Variants in IL16 observed in about 807,000 individuals in gnomAD.
The protein encoded by IL16 is interleukin 16.
Under a neutral mutation model 110.1 loss-of-function variants are expected in IL16, and 67 were observed. The observed-to-expected ratio is 0.61, with a 90% confidence interval of 0.50 to 0.75. The LOEUF is 0.75. Ranked by LOEUF, IL16 falls within the 30% of genes least tolerant of loss-of-function variation. IL16 has a pLI of 0.00. For synonymous variants in IL16, 689 were observed against 662.9 expected (o/e 1.04, Z -0.61); for missense variants, 1,545 against 1,655.0 (o/e 0.93, Z 1.15).
At chr15:81,251,157 T>G (rs995673409) in intron 2 of IL16, among the ~76,000 whole-genome samples, 1 of 152,104 alleles carries the variant, frequency 6.6e-6, no homozygotes, top group Admixed American at 6.6e-5. Context: ...ATGCAACCTT[T>G]CTACTTGTTT....
rs1899653283 is a variant in IL16, at chr15:81,290,365, G to A, written c.1333-88G>A. ...TTGAAATAAAATAATTTAGAATCCA[G>A]TGGCCCAGCTTTGGAGCTGGTACGG... On this transcript the variant is annotated intron_variant, in intron 10 of 18. Transcript: ENST00000683961. The A allele has an allele frequency of 3.8e-6, 3 of 792,132 alleles. No individual in the cohort carries two copies. In the Admixed American group the frequency reaches 8.5e-5, roughly 23 times the overall value. The allele number at this position is 792,132 out of a possible 1,614,324, so 49.1% of individuals were successfully genotyped here.
intron 1 of IL16, among the ~76,000 whole-genome samples, chr15:81,209,732 G>A (rs115781366): frequency 0.084 from 12,820 of 152,054 alleles, 533 homozygotes; most frequent in Middle Eastern, 0.1. Flanking sequence ...CCCTTCTCAC[G>A]GGGACACTCT....
At chr15:81,222,781 C>A (rs1735406877) in intron 1 of IL16, among the ~76,000 whole-genome samples, 1 of 151,810 alleles carries the variant, frequency 6.6e-6, no homozygotes, top group Non-Finnish European at 1.5e-5. Flanking sequence ...CATACCCACA[C>A]ACATCTTTCC....
At chr15:81,212,794 G>A (rs1217907780) in intron 1 of IL16, among the ~76,000 whole-genome samples, 1 of 152,062 alleles carries the variant, frequency 6.6e-6, no homozygotes, top group Non-Finnish European at 1.5e-5. Context: ...AATATAGCTA[G>A]CTGTCTATCA....
At position 81,292,863 on chromosome 15, in the gene IL16, CCCG is replaced by C; in HGVS notation, c.1733_1735del (p.Pro578del). 6.2e-7 allele frequency: 1 copy of C among 1,614,104 alleles called. No homozygotes were observed. The highest frequency in any genetic ancestry group is 8.5e-7 in the Non-Finnish European group (1 of 1,179,966). ...CCCTCCCAGAGAGCCGGGACAGCCA[CCCG>C]CCGCTGAGACTGAAGAAATCCTTTG... On this transcript the variant is annotated inframe_deletion, in exon 12 of 19. Transcript: ENST00000683961.
intron 4 of IL16, 124 bp from the exon 5 acceptor site, chr15:81,269,414 T>A (rs1898532847): frequency 1.4e-6 from 1 of 699,716 alleles, no homozygotes; most frequent in African/African-American, 1.8e-5. Flanking sequence ...GTTGTTACGC[T>A]GCCTGCCCTT....
At chr15:81,268,600 G>A (rs760299371) in intron 4 of IL16, among the ~76,000 whole-genome samples, 13 of 152,272 alleles carry the variant, frequency 8.5e-5, no homozygotes, top group Non-Finnish European at 1.6e-4. Flanking sequence ...ATATCAGAGA[G>A]CAGGGAGCAA....
intron 1 of IL16, among the ~76,000 whole-genome samples, chr15:81,205,948 A>C (rs1896001442): frequency 1.3e-5 from 2 of 152,222 alleles, no homozygotes; most frequent in Non-Finnish European, 2.9e-5. Context: ...TAAAAAGAGC[A>C]CTCAATGAAG....
At chr15:81,276,904 A>C (rs1898935694) in intron 6 of IL16, among the ~76,000 whole-genome samples, 1 of 152,240 alleles carries the variant, frequency 6.6e-6, no homozygotes, top group Non-Finnish European at 1.5e-5. Flanking sequence ...GAAATAACAA[A>C]GAGGAGCGTT....
intron 1 of IL16, among the ~76,000 whole-genome samples, chr15:81,207,517 T>TC (rs1404079655): frequency 1.4e-5 from 2 of 141,940 alleles, no homozygotes; most frequent in African/African-American, 5.2e-5. Flanking sequence ...ACGCCCCACC[T>TC]CCCACCCACC....
chr15:81,255,437 G>C (rs1897911042), intron 2 of IL16, among the ~76,000 whole-genome samples: 2 of 152,250 alleles, frequency 1.3e-5, no homozygotes, highest in African/African-American at 4.8e-5. Context: ...GAGACTGGCT[G>C]CATGGCAGTG....
chr15:81,222,663 G>A (rs967620218), intron 1 of IL16, among the ~76,000 whole-genome samples: 1 of 151,786 alleles, frequency 6.6e-6, no homozygotes, highest in Non-Finnish European at 1.5e-5. Flanking sequence ...AGTCCAGAAG[G>A]ATTTTAACAC....
intron 1 of IL16, among the ~76,000 whole-genome samples, chr15:81,198,223 C>A (rs1173181766): frequency 6.6e-6 from 1 of 152,186 alleles, no homozygotes; most frequent in East Asian, 1.9e-4. Flanking sequence ...CATTTCCTGG[C>A]CACTCTTCAA....
At chr15:81,196,384 G>A (rs1895597486), upstream of IL16, among the ~76,000 whole-genome samples, 1 of 152,220 alleles carries the variant, frequency 6.6e-6, no homozygotes, top group Admixed American at 6.5e-5. Context: ...AGGATTGTAT[G>A]TGATGACTTT....
In IL16 at chr15:81,308,888, C is replaced by A; in HGVS notation, c.*90C>A. On this transcript the variant is annotated 3_prime_UTR_variant, in exon 19 of 19. Coordinates refer to ENST00000683961, the MANE Select transcript of IL16 (RefSeq NM_172217.5). ...TCTCAGGGTCTCTGCTGCCGCCCCACCCAGATGGGGGAAAGCACAGGTGGG... is the reference window on the plus strand; with the variant it reads ...TCTCAGGGTCTCTGCTGCCGCCCCAACCAGATGGGGGAAAGCACAGGTGGG... The A allele has an allele frequency of 8.4e-7, 1 of 1,187,982 alleles. No individual in the cohort carries two copies. Among genetic ancestry groups the A allele is most frequent in the Non-Finnish European group, 1.2e-6 (1 of 846,990 alleles). 73.6% of individuals were successfully genotyped at this position (1,187,982 alleles called of 1,614,324 possible). A position where few individuals can be genotyped will look rare whatever the true frequency, so the allele number is the denominator to read the frequency against.
chr15:81,228,789 G>A (rs940797130), intron 2 of IL16, among the ~76,000 whole-genome samples: 1 of 152,236 alleles, frequency 6.6e-6, no homozygotes, highest in Non-Finnish European at 1.5e-5. Context: ...TGGCACAGGG[G>A]TTAGGTGTGT....
intron 2 of IL16, among the ~76,000 whole-genome samples, chr15:81,243,673 C>G (rs544542667): frequency 6.6e-5 from 10 of 152,216 alleles, no homozygotes; most frequent in Admixed American, 2.6e-4. Flanking sequence ...TTCAGTAAAG[C>G]CATCTGACCC....
chr15:81,294,195 C>T (rs1184599860), intron 12 of IL16, among the ~76,000 whole-genome samples: 2 of 152,108 alleles, frequency 1.3e-5, no homozygotes, highest in Non-Finnish European at 2.9e-5. Flanking sequence ...GAGGAGGAAG[C>T]CAGGTTACTA....
At chr15:81,297,771 C>T (rs1900061899) in intron 13 of IL16, among the ~76,000 whole-genome samples, 1 of 152,088 alleles carries the variant, frequency 6.6e-6, no homozygotes, top group Admixed American at 6.5e-5. Context: ...TTCGTGAGGC[C>T]CTGTGCTAGA....
Sources: allele counts gnomAD v4.1 joint callset (sites outside exome capture counted in the v4.1 genomes callset), GRCh38; gene constraint gnomAD v4.1.1; transcripts MANE v1.5; gene names NCBI Gene and HGNC (gene_info 2026-07-23, HGNC 2026-07-21).